Variants in TSPAN6 observed in about 807,000 individuals in gnomAD.
TSPAN6 encodes the protein tetraspanin 6, also known as tetraspanin-6.
A neutral mutation model predicts 18.0 loss-of-function variants in TSPAN6; 13 were observed. The observed-to-expected ratio is 0.72, with a 90% CI of 0.47 to 1.15. TSPAN6 has a LOEUF of 1.15. Among genes scored for constraint, TSPAN6 ranks in the 50% most tolerant of loss-of-function variants. The pLI, the probability that TSPAN6 is intolerant of heterozygous loss-of-function variation, is 0.00. For synonymous variants in TSPAN6, 82 were observed against 67.0 expected (o/e 1.22, Z -1.09); for missense variants, 186 against 183.9 (o/e 1.01, Z -0.07).
Position 100,636,806 on chromosome X carries a change from T to C in TSPAN6, c.-112A>G. On this transcript the variant is annotated 5_prime_UTR_variant, in exon 1 of 8. Transcript: ENST00000373020. ...CCGAAAACTTACGAGCGTCCACAAC[T>C]GAGAAGGGCCGGAAACACTGTACAA... 1.2e-6 allele frequency: 1 copy of C among 828,507 alleles called. No homozygotes were observed. The highest frequency in any genetic ancestry group is 1.6e-6 in the Non-Finnish European group (1 of 610,060). The allele number at this position is 828,507 out of a possible 1,213,427, so 68.3% of individuals were successfully genotyped here. A position where few individuals can be genotyped will look rare whatever the true frequency, so the allele number is the denominator to read the frequency against.
At chrX:100,630,256 C>CAAA (rs1433671203) in intron 7 of TSPAN6, among the ~76,000 whole-genome samples, 1 of 111,889 alleles carries the variant, frequency 8.9e-6, no homozygotes, top group East Asian at 2.8e-4. Context: ...ACGGTTTTAA[C>CAAA]AAAAGCCCAC....
intron 1 of TSPAN6, chrX:100,636,294 C>T (rs1382448447): frequency 1.1e-6 from 1 of 882,862 alleles, no homozygotes; most frequent in African/African-American, 2.1e-5. Context: ...TGCAAAGGTC[C>T]AGGGTCACCG....
Position 100,635,698 on chromosome X carries a change from G to A in TSPAN6, c.136C>T (p.Leu46=), listed in dbSNP as rs755088186. 1.3e-5 allele frequency: 15 copies of A among 1,187,128 alleles called. No individual in the cohort carries two copies. Among genetic ancestry groups the A allele is most frequent in the Non-Finnish European group, 1.6e-5 (14 of 882,319 alleles). Reference sequence around the variant, plus strand: ...TTTAAAAGAGAAAAGTAATTCTCCAGGCTCACCTTGCCCCAAATGCCAACT... The same window carrying A: ...TTTAAAAGAGAAAAGTAATTCTCCAAGCTCACCTTGCCCCAAATGCCAACT... ...LAVGIWGKVS[L]ENYFSLLNEK... The change falls in exon 2 of 8, where the codon CTG becomes TTG. Residue 46 remains leucine, a synonymous_variant. Transcript: ENST00000373020.
In TSPAN6 at chrX:100,633,878, TTC is replaced by T. The variant is rs1274513969; in HGVS notation, c.450+51_450+52del. The T allele has an allele frequency of 9.9e-6, 9 of 911,560 alleles. No individual in the cohort carries two copies. The East Asian group carries it at 2.5e-4, about 25-fold the overall frequency. 75.1% of individuals were successfully genotyped at this position (911,560 alleles called of 1,213,427 possible). A position where few individuals can be genotyped will look rare whatever the true frequency, so the allele number is the denominator to read the frequency against. On this transcript the variant is annotated intron_variant, in intron 4 of 7. Coordinates refer to ENST00000373020, the MANE Select transcript of TSPAN6 (RefSeq NM_003270.4). Reference sequence around the variant, plus strand: ...CATCTAGTAGCCAGACTCTGCTCTTTTCTCTGAGGCAACAGGGAATGTGTTCC... The same window carrying T: ...CATCTAGTAGCCAGACTCTGCTCTTTTCTGAGGCAACAGGGAATGTGTTCC...
chrX:100,636,434 G>A (rs1428916680), intron 1 of TSPAN6, 174 bp downstream of exon 1: 1 of 1,008,845 alleles, frequency 9.9e-7, no homozygotes, highest in African/African-American at 2.0e-5. Flanking sequence ...CCGGCGAGAT[G>A]CCTGAGCTCT....
Position 100,628,822 on chromosome X carries a change from A to G in TSPAN6, c.*1204T>C, listed in dbSNP as rs2083040695. 1.8e-5 allele frequency: 2 copies of G among 112,199 alleles called. No homozygotes were observed. The highest frequency in any genetic ancestry group is 1.9e-4 in the Admixed American group (2 of 10,524). The allele number at this position is 112,199 out of a possible 1,213,427, so 9.2% of individuals were successfully genotyped here. On this transcript the variant is annotated 3_prime_UTR_variant, in exon 8 of 8. Transcript: ENST00000373020. ...GAATGTGCAGGTTTGTTACATAGGTATACATGTGCCATGGTGGTTTGCTGC... is the reference window on the plus strand; with the variant it reads ...GAATGTGCAGGTTTGTTACATAGGTGTACATGTGCCATGGTGGTTTGCTGC...
At chrX:100,631,119 C>T (rs1305242091) in intron 6 of TSPAN6, among the ~76,000 whole-genome samples, 1 of 111,830 alleles carries the variant, frequency 8.9e-6, no homozygotes, top group East Asian at 2.8e-4. Context: ...AATTCAGTCA[C>T]GAGTTTTGAA....
At chrX:100,631,723 G>A (rs1190027640) in intron 6 of TSPAN6, among the ~76,000 whole-genome samples, 2 of 111,746 alleles carry the variant, frequency 1.8e-5, no homozygotes, top group Non-Finnish European at 3.8e-5. Context: ...TGACCGCAGA[G>A]AGAACCAAGG....
intron 5 of TSPAN6, 137 bp downstream of exon 5, chrX:100,633,268 G>A (rs749195747): frequency 5.6e-6 from 3 of 537,468 alleles, no homozygotes; most frequent in East Asian, 8.5e-5. Flanking sequence ...GCAGTGAGCC[G>A]AGAACGCGCC....
intron 5 of TSPAN6, among the ~76,000 whole-genome samples, 172 bp from the exon 6 acceptor site, chrX:100,632,740 A>G (rs1201569155): frequency 1.8e-5 from 2 of 111,803 alleles, no homozygotes; most frequent in Non-Finnish European, 3.8e-5. Flanking sequence ...TTTGATTGTC[A>G]TTTTATTGAA....
intron 3 of TSPAN6, among the ~76,000 whole-genome samples, chrX:100,634,820 T>C (rs1472185831): frequency 8.9e-6 from 1 of 112,052 alleles, no homozygotes; most frequent in African/African-American, 3.2e-5. Context: ...TTCTGATGAT[T>C]TGCATTAAGT....
At chrX:100,635,462 T>C in intron 2 of TSPAN6, 96 bp downstream of exon 2, 3 of 863,762 alleles carry the variant, frequency 3.5e-6, no homozygotes, top group East Asian at 3.4e-5. Context: ...ACAGGAAAAA[T>C]TGTAAAGGGC....
intron 7 of TSPAN6, 22 bp downstream of exon 7, chrX:100,630,737 C>A: frequency 8.9e-7 from 1 of 1,117,406 alleles, no homozygotes; most frequent in Non-Finnish European, 1.2e-6. Flanking sequence ...ACTAACAGAG[C>A]TGAGGACCAA....
At position 100,633,950 on chromosome X, in the gene TSPAN6, A is replaced by G. The variant is rs770755417; in HGVS notation, c.431T>C (p.Val144Ala). 3.3e-6 allele frequency: 4 copies of G among 1,197,000 alleles called. No homozygotes were observed. The Admixed American group carries it at 6.7e-5, about 20-fold the overall frequency. The change falls in exon 4 of 8, where the codon GTA (valine) becomes GCA (alanine). Residue 144 changes from valine to alanine, a missense_variant. By Grantham distance (64) the Val-to-Ala change is moderately conservative. Transcript: ENST00000373020. ...NSTGDYRSHAVDKIQNTLHCC... is the reference protein window; with the variant it reads ...NSTGDYRSHAADKIQNTLHCC... ...ACTTACCGTATTTTGGATCTTGTCT[A>G]CTGCATGGCTTCTATAATCTCCTGT... is the stretch of plus-strand genomic sequence containing the variant.
intron 6 of TSPAN6, among the ~76,000 whole-genome samples, chrX:100,631,846 G>A (rs745875910): frequency 9.0e-6 from 1 of 111,340 alleles, no homozygotes; most frequent in African/African-American, 3.3e-5. Context: ...ACTGCTACAA[G>A]TTAATTCTAA....
chrX:100,634,150 A>G (rs777525172), intron 3 of TSPAN6, 121 bp from the exon 4 acceptor site: 16 of 465,537 alleles, frequency 3.4e-5, no homozygotes, highest in African/African-American at 3.2e-4. Flanking sequence ...ATGTATAGTA[A>G]TTAACTTCCA....
chrX:100,636,051 GAA>G, intron 1 of TSPAN6: 1 of 497,574 alleles, frequency 2.0e-6, no homozygotes, highest in Non-Finnish European at 2.6e-6. Context: ...CCTTGAAGGG[GAA>G]AAAAAAAACG....
intron 3 of TSPAN6, among the ~76,000 whole-genome samples, chrX:100,634,665 G>GTT (rs946569845): frequency 9.3e-6 from 1 of 107,661 alleles, no homozygotes; most frequent in African/African-American, 3.4e-5. Flanking sequence ...CTAATTTTTT[G>GTT]TTTTTTTTTG....
In TSPAN6 at chrX:100,636,758, T is replaced by G; in HGVS notation, c.-64A>C. 1 of 1,069,543 alleles carries G rather than the reference T, an allele frequency of 9.3e-7. No individual in the cohort carries two copies. The highest frequency in any genetic ancestry group is 1.2e-6 in the Non-Finnish European group (1 of 810,781). The allele number at this position is 1,069,543 out of a possible 1,213,427, so 88.1% of individuals were successfully genotyped here. ...GGAACACAGAGAGCGAGACGCGGAG[T>G]CCCCGAGTCTCCCCGGAAACTGCCG... On this transcript the variant is annotated 5_prime_UTR_variant, in exon 1 of 8. Transcript: ENST00000373020.
Sources: allele counts gnomAD v4.1 joint callset (sites outside exome capture counted in the v4.1 genomes callset), GRCh38; gene constraint gnomAD v4.1.1; transcripts MANE v1.5; gene names NCBI Gene and HGNC (gene_info 2026-07-23, HGNC 2026-07-21).